The following DNAI7 variants were observed in gnomAD, a reference collection of about 807,000 sequenced individuals.
DNAI7 encodes cancer susceptibility 1.
In DNAI7, 78 loss-of-function variants were observed where a neutral mutation model predicts 86.6. The observed-to-expected ratio is 0.90, with a 90% CI of 0.75 to 1.09. DNAI7 has a LOEUF of 1.09. Among genes scored for constraint, DNAI7 ranks in the 50% least tolerant of loss-of-function variants. The pLI, the probability that DNAI7 is intolerant of heterozygous loss-of-function variation, is 0.00. For missense variants in DNAI7, 753 were observed against 810.2 expected (o/e 0.93, Z 0.86); for synonymous variants, 274 against 273.0 (o/e 1.00, Z -0.04).
At chr12:25,180,540 T>C (rs1949400439) in intron 2 of DNAI7, among the ~76,000 whole-genome samples, 1 of 152,176 alleles carries the variant, frequency 6.6e-6, no homozygotes, top group Non-Finnish European at 1.5e-5. Flanking sequence ...TTCAAAACTA[T>C]ACTACAGGCT....
chr12:25,177,225 C>T (rs147829286), intron 2 of DNAI7, among the ~76,000 whole-genome samples: 1 of 152,150 alleles, frequency 6.6e-6, no homozygotes, highest in Non-Finnish European at 1.5e-5. Flanking sequence ...TTCAAGTGTG[C>T]AATTCAGTGG....
At chr12:25,173,987 C>T (rs114861046) in intron 2 of DNAI7, among the ~76,000 whole-genome samples, 148 of 3,096 alleles carry the variant, frequency 0.048, no homozygotes, top group African/African-American at 0.092. Flanking sequence ...ATATCATATA[C>T]ATGGAATACA....
intron 9 of DNAI7, among the ~76,000 whole-genome samples, chr12:25,139,510 T>C (rs985596068): frequency 2.0e-5 from 3 of 152,130 alleles, no homozygotes; most frequent in Non-Finnish European, 4.4e-5. Context: ...AGATAATTCA[T>C]GCAGCCATAA....
chr12:25,139,317 T>G (rs1943917387), intron 9 of DNAI7, among the ~76,000 whole-genome samples: 1 of 152,114 alleles, frequency 6.6e-6, no homozygotes, highest in South Asian at 2.1e-4. Context: ...ATTGACACTA[T>G]TCCAAAAGGT....
At chr12:25,176,130 C>A (rs971959807) in intron 2 of DNAI7, among the ~76,000 whole-genome samples, 1 of 151,968 alleles carries the variant, frequency 6.6e-6, no homozygotes, top group African/African-American at 2.4e-5. Context: ...GATTTAATGA[C>A]CAATTTAAAA....
Position 25,132,387 on chromosome 12 carries a change from A to T in DNAI7, c.1003-9101T>A, listed in dbSNP as rs533656087. ...ATATTGATAATAGAGTTTTAACTTT[A>T]AAAAAAATTTAACAATACAGCTTAG... On this transcript the variant is annotated intron_variant, in intron 9 of 15. Coordinates refer to ENST00000395987, the MANE Select transcript of DNAI7 (RefSeq NM_018272.5). 3.9e-5 allele frequency among the ~76,000 whole-genome samples: 6 copies of T among 152,044 alleles called. No homozygotes were observed. The East Asian group carries it at 1.2e-3, about 29-fold the overall frequency.
intron 6 of DNAI7, among the ~76,000 whole-genome samples, chr12:25,152,365 T>C (rs184069356): frequency 6.6e-6 from 1 of 152,334 alleles, no homozygotes; most frequent in African/African-American, 2.4e-5. Flanking sequence ...CGGCAAATGA[T>C]TTAATCAAGC....
intron 9 of DNAI7, among the ~76,000 whole-genome samples, chr12:25,141,475 T>G (rs1343426765): frequency 6.6e-6 from 1 of 152,106 alleles, no homozygotes; most frequent in African/African-American, 2.4e-5. Flanking sequence ...TGCTCAACAT[T>G]ACTAATTATT....
At chr12:25,182,025 G>T (rs1353162222) in intron 2 of DNAI7, among the ~76,000 whole-genome samples, 1 of 122,082 alleles carries the variant, frequency 8.2e-6, no homozygotes, top group Admixed American at 8.7e-5. Context: ...CTGCTGAAAA[G>T]AAAAGAAATT....
chr12:25,111,950 T>A lies in DNAI7; in HGVS notation c.1612-11A>T. 6.5e-7 allele frequency: 1 copy of A among 1,549,532 alleles called. No homozygotes were observed. Among genetic ancestry groups the A allele is most frequent in the Non-Finnish European group, 8.7e-7 (1 of 1,148,982 alleles). On this transcript the variant is annotated splice_polypyrimidine_tract_variant and intron_variant, in intron 13 of 15. Transcript: ENST00000395987. ...CATGCAGAGGTTTTCCTAGTTTAAA[T>A]AAGAAAAAAGAAGCTTTTATGTAAG...
intron 7 of DNAI7, among the ~76,000 whole-genome samples, chr12:25,149,089 G>A (rs1221167202): frequency 1.3e-5 from 2 of 151,958 alleles, no homozygotes; most frequent in East Asian, 1.9e-4. Flanking sequence ...GGACTCAAGC[G>A]ATGCTCCCAC....
intron 1 of DNAI7, among the ~76,000 whole-genome samples, chr12:25,194,042 G>A (rs762158684): frequency 6.6e-6 from 1 of 151,894 alleles, no homozygotes; most frequent in Non-Finnish European, 1.5e-5. Flanking sequence ...GGCTGGTCTC[G>A]AACTCCTGAC....
At chr12:25,173,999 A>C (rs1342228482) in intron 2 of DNAI7, among the ~76,000 whole-genome samples, 5 of 149,128 alleles carry the variant, frequency 3.4e-5, no homozygotes, top group African/African-American at 1.2e-4. Flanking sequence ...TGGAATACAT[A>C]TATCATATAC....
intron 7 of DNAI7, among the ~76,000 whole-genome samples, chr12:25,148,840 A>G (rs1945166977): frequency 6.6e-6 from 1 of 152,164 alleles, no homozygotes; most frequent in Non-Finnish European, 1.5e-5. Flanking sequence ...CTTGCCTTCT[A>G]GCACAGTAAG....
chr12:25,164,615 A>G (rs951813364), intron 2 of DNAI7, among the ~76,000 whole-genome samples: 3 of 152,078 alleles, frequency 2.0e-5, no homozygotes, highest in African/African-American at 7.2e-5. Context: ...CTTGTCACAA[A>G]ATAGGCAAAC....
intron 3 of DNAI7, among the ~76,000 whole-genome samples, chr12:25,159,907 T>A (rs1380811014): frequency 6.6e-6 from 1 of 152,206 alleles, no homozygotes; most frequent in Admixed American, 6.5e-5. Flanking sequence ...GGTACTTTAA[T>A]TAATAAACAC....
intron 9 of DNAI7, among the ~76,000 whole-genome samples, chr12:25,129,816 G>A (rs534972094): frequency 1.3e-5 from 2 of 151,574 alleles, no homozygotes; most frequent in South Asian, 4.1e-4. Context: ...AGGCTGGAGT[G>A]TAATGGCATG....
At chr12:25,149,007 AT>A (rs1009159557) in intron 7 of DNAI7, among the ~76,000 whole-genome samples, 9 of 151,592 alleles carry the variant, frequency 5.9e-5, no homozygotes, top group African/African-American at 2.2e-4. Flanking sequence ...TCTTACTTTT[AT>A]TTTTTTGAGA....
At position 25,150,401 on chromosome 12, in the gene DNAI7, A is replaced by AG. The variant is rs1565734971; in HGVS notation, c.439-628_439-627insC. 7.9e-5 allele frequency among the ~76,000 whole-genome samples: 12 copies of AG among 151,956 alleles called. No individual in the cohort carries two copies. In the East Asian group the frequency reaches 2.3e-3, roughly 29 times the overall value. ...GGGCAGATCACGAGGTCAGGAGATC[A>AG]AGACTATCCTGGCTAACACAGTGAA... On this transcript the variant is annotated intron_variant, in intron 6 of 15. Transcript: ENST00000395987.
Sources: allele counts gnomAD v4.1 joint callset (sites outside exome capture counted in the v4.1 genomes callset), GRCh38; gene constraint gnomAD v4.1.1; transcripts MANE v1.5; gene names NCBI Gene and HGNC (gene_info 2026-07-23, HGNC 2026-07-21).